The following IL4I1 variants were observed in gnomAD, a reference collection of about 807,000 sequenced individuals.
IL4I1 encodes L-amino-acid oxidase.
Under a neutral mutation model 29.7 loss-of-function variants are expected in IL4I1, and 24 were observed. The observed-to-expected ratio is 0.81, with a 90% confidence interval of 0.59 to 1.14. IL4I1 has a LOEUF of 1.14. Among genes scored for constraint, IL4I1 ranks in the 50% most tolerant of loss-of-function variants. IL4I1 has a pLI of 0.00. For missense variants in IL4I1, 686 were observed against 785.6 expected, an observed-to-expected ratio of 0.87 and a Z score of 1.52; for synonymous variants, 371 against 352.5, an observed-to-expected ratio of 1.05 and a Z score of -0.59.
intron 2 of IL4I1, among the ~76,000 whole-genome samples, chr19:49,919,041 T>C (rs2075699229): frequency 6.6e-6 from 1 of 151,994 alleles, no homozygotes; most frequent in Non-Finnish European, 1.5e-5. Context: ...TAATCCCAGC[T>C]ACTCGGGAGG....
rs138247129 is a variant in IL4I1 at position 49,896,033 on chromosome 19, C to A, written c.34G>T (p.Val12Phe). The change falls in exon 3 of 8, where the codon GTC (valine) becomes TTC (phenylalanine). Residue 12 changes from valine (V) to phenylalanine (F), a missense_variant. Val to Phe is a conservative substitution (Grantham distance 50, BLOSUM62 -1). Transcript: ENST00000391826. ...GCCACCAGGCTGAGGAGGATGGGGA[C>A]GAGGACGAGGAGGTGCAGGGCTGGG... The part of the protein sequence containing the change: ...APLALHLLVL[V>F]PILLSLVASQ... The A allele has an allele frequency of 2.1e-4, 335 of 1,613,858 alleles. No individual in the cohort carries two copies. The highest frequency in any genetic ancestry group is 8.8e-4 in the Admixed American group (53 of 59,970).
chr19:49,922,133 G>A (rs1049993805), intron 2 of IL4I1, among the ~76,000 whole-genome samples: 2 of 152,188 alleles, frequency 1.3e-5, no homozygotes, highest in Non-Finnish European at 2.9e-5. Context: ...TAACCCCGGC[G>A]GCACTAGCTC....
intron 2 of IL4I1, chr19:49,909,026 G>T: frequency 1.2e-6 from 2 of 1,613,212 alleles, no homozygotes. Context: ...AGCTGCTCCA[G>T]GTGCCTTTAA....
chr19:49,898,316 A>G (rs1453776217), upstream of IL4I1, among the ~76,000 whole-genome samples: 3 of 151,874 alleles, frequency 2.0e-5, no homozygotes, highest in East Asian at 1.9e-4. Context: ...GCCAGACTCC[A>G]TCTCAAAAAA....
chr19:49,903,756 T>C (rs2075290690), intron 3 of IL4I1, among the ~76,000 whole-genome samples: 1 of 152,030 alleles, frequency 6.6e-6, no homozygotes, highest in Non-Finnish European at 1.5e-5. Flanking sequence ...TGATGATTAG[T>C]TTTTACTAAA....
At chr19:49,925,456 A>C (rs2075864861) in intron 2 of IL4I1, among the ~76,000 whole-genome samples, 1 of 149,322 alleles carries the variant, frequency 6.7e-6, no homozygotes, top group South Asian at 2.1e-4. Context: ...AGCCAAAAAA[A>C]AAAAAAAATA....
intron 2 of IL4I1, among the ~76,000 whole-genome samples, chr19:49,925,466 A>AAG (rs1446659833): frequency 0.043 from 6,175 of 143,272 alleles, 293 homozygotes; most frequent in East Asian, 0.11. Context: ...AAAAAAAAAT[A>AAG]GCATCCTACC....
chr19:49,907,631 C>T (rs1265050568), intron 2 of IL4I1: 3 of 384,910 alleles, frequency 7.8e-6, no homozygotes, highest in East Asian at 7.8e-5. Flanking sequence ...CTCCTGGGTT[C>T]AAGTGATTCT....
At chr19:49,926,855 CTTTTTT>C (rs57084948) in intron 2 of IL4I1, among the ~76,000 whole-genome samples, 1 of 125,638 alleles carries the variant, frequency 8.0e-6, no homozygotes. Context: ...GAAGTAGGTA[CTTTTTT>C]TTTTTTTTTT....
chr19:49,892,842 C>T (rs2075157143), intron 5 of IL4I1, among the ~76,000 whole-genome samples: 1 of 152,108 alleles, frequency 6.6e-6, no homozygotes, highest in Non-Finnish European at 1.5e-5. Context: ...GGGAGATGGG[C>T]AAGTGGGCTC....
At position 49,890,148 on chromosome 19, in the gene IL4I1, C is replaced by A. The variant is rs372789046; in HGVS notation, c.1226G>T (p.Gly409Val). The A allele has an allele frequency of 1.2e-3, 1,835 of 1,541,398 alleles. 1 individual carries two copies. Among genetic ancestry groups the A allele is most frequent in the South Asian group, 1.5e-3 (127 of 83,964 alleles). ...TWSDAAAAFAGLSREEALRLA... is the reference protein window; with the variant it reads ...TWSDAAAAFAVLSREEALRLA... ...GCGCAACGCCTCTTCCCGGCTCAAG[C>A]CGGCGAACGCTGCCGCCGCGTCCGA... The change falls in exon 8 of 8, where the codon GGC becomes GTC. Residue 409 changes from glycine (G) to valine (V), a missense_variant. Coordinates refer to ENST00000391826, the MANE Select transcript of IL4I1 (RefSeq NM_152899.2).
intron 3 of IL4I1, chr19:49,901,959 CCT>C (rs2075275612): frequency 8.8e-6 from 3 of 342,296 alleles, no homozygotes; most frequent in Non-Finnish European, 1.6e-5. Flanking sequence ...CCCTCCCCGC[CCT>C]CTCACTGGAT....
intron 4 of IL4I1, 119 bp downstream of exon 4, chr19:49,894,949 G>T: frequency 1.4e-6 from 1 of 734,526 alleles, no homozygotes; most frequent in Non-Finnish European, 2.3e-6. Flanking sequence ...TTAGGCGAAG[G>T]ATGGGGTTGG....
intron 2 of IL4I1, among the ~76,000 whole-genome samples, chr19:49,905,095 G>A (rs896132639): frequency 1.3e-5 from 2 of 151,998 alleles, no homozygotes; most frequent in African/African-American, 2.4e-5. Flanking sequence ...TGATCCACCC[G>A]CCTCGGCCTC....
rs368151960 is a variant in IL4I1 at position 49,890,476 on chromosome 19, G to A, written c.898C>T (p.Gln300Ter). The change falls in exon 8 of 8, where the codon CAG becomes TAG. Residue 300 changes from glutamine to a stop codon, truncating the protein, a stop_gained. Coordinates refer to ENST00000391826, the MANE Select transcript of IL4I1 (RefSeq NM_152899.2). LOFTEE classifies it low-confidence loss of function (END_TRUNC). ...CGCGCCGGGGGAGAGGTCTCGATCTGCACGTGCACATCGTGCGGTCCCTGG... is the reference window on the plus strand; with the variant it reads ...CGCGCCGGGGGAGAGGTCTCGATCTACACGTGCACATCGTGCGGTCCCTGG... Reference protein sequence around the residue: ...MTQGPHDVHVQIETSPPARNL... With the variant: ...MTQGPHDVHV The A allele has an allele frequency of 1.2e-6, 2 of 1,611,906 alleles. No homozygotes were observed. Among genetic ancestry groups the A allele is most frequent in the South Asian group, 2.2e-5 (2 of 91,072 alleles).
At chr19:49,894,040 G>A (rs2075173098) in intron 5 of IL4I1, among the ~76,000 whole-genome samples, 2 of 148,710 alleles carry the variant, frequency 1.3e-5, no homozygotes, top group South Asian at 4.3e-4. Flanking sequence ...ACCCATATGT[G>A]TAGAAGCCCC....
intron 2 of IL4I1, among the ~76,000 whole-genome samples, chr19:49,910,350 T>C (rs1271446500): frequency 6.6e-6 from 1 of 151,904 alleles, no homozygotes; most frequent in Admixed American, 6.6e-5. Context: ...GAGAGAGAGA[T>C]GGGGCCGGGA....
At chr19:49,924,000 A>G (rs1409341743) in intron 2 of IL4I1, among the ~76,000 whole-genome samples, 2 of 152,216 alleles carry the variant, frequency 1.3e-5, no homozygotes, top group Non-Finnish European at 2.9e-5. Flanking sequence ...GGCCACCGTG[A>G]TTGGGAAAGC....
At position 49,923,337 on chromosome 19, in the gene IL4I1, G is replaced by A. The variant is rs141767459; in HGVS notation, c.-228+4357C>T. 3.3e-5 allele frequency among the ~76,000 whole-genome samples: 5 copies of A among 152,290 alleles called. No individual in the cohort carries two copies. In the East Asian group the frequency reaches 7.7e-4, roughly 23 times the overall value. On this transcript the variant is annotated intron_variant, in intron 2 of 9. Coordinates refer to the IL4I1 transcript ENST00000341114. Reference sequence around the variant, plus strand: ...TCTCAGGGACCTCAGTATCACATTCGCTGGCCTCTGTGCTGAGCAACTCAT... The same window carrying A: ...TCTCAGGGACCTCAGTATCACATTCACTGGCCTCTGTGCTGAGCAACTCAT...
Sources: gnomAD v4.1 joint callset for allele counts (sites outside exome capture counted in the v4.1 genomes callset) on GRCh38, gnomAD v4.1.1 for gene constraint, MANE v1.5 for transcripts, NCBI Gene and HGNC (gene_info 2026-07-23, HGNC 2026-07-21) for gene names.